Variants in SAMMSON observed in about 807,000 individuals in gnomAD.
SAMMSON encodes the protein survival associated mitochondrial melanoma specific oncogenic non-coding RNA.
intron 9 of SAMMSON, among the ~76,000 whole-genome samples, chr3:70,376,464 T>C (rs1703015042): frequency 6.6e-6 from 1 of 152,202 alleles, no homozygotes; most frequent in South Asian, 2.1e-4. Flanking sequence ...GTTTGTTTTA[T>C]AAGGAAAGAA....
chr3:70,228,643 T>C (rs2106742563), intron 4 of SAMMSON, among the ~76,000 whole-genome samples: 1 of 152,094 alleles, frequency 6.6e-6, no homozygotes, highest in African/African-American at 2.4e-5. Flanking sequence ...TTTTTTTTTT[T>C]TTTAGTGTGG....
At chr3:70,250,808 C>G (rs1364308144) in intron 6 of SAMMSON, among the ~76,000 whole-genome samples, 2 of 152,098 alleles carry the variant, frequency 1.3e-5, no homozygotes, top group Admixed American at 1.3e-4. Context: ...ATATGCATTT[C>G]TTCTTCAGCA....
intron 4 of SAMMSON, among the ~76,000 whole-genome samples, chr3:70,169,864 AT>A (rs1194036786): frequency 6.6e-6 from 1 of 151,776 alleles, no homozygotes; most frequent in Non-Finnish European, 1.5e-5. Flanking sequence ...TAGCTTATTG[AT>A]TTTGGCTGCT....
At chr3:70,016,025 C>G (rs1387026060) in intron 3 of SAMMSON, among the ~76,000 whole-genome samples, 1 of 152,184 alleles carries the variant, frequency 6.6e-6, no homozygotes, top group Non-Finnish European at 1.5e-5. Flanking sequence ...AATAAACATA[C>G]ATGTGCTTGT....
chr3:70,192,887 G>A (rs1292141036), intron 4 of SAMMSON, among the ~76,000 whole-genome samples: 1 of 152,192 alleles, frequency 6.6e-6, no homozygotes, highest in Non-Finnish European at 1.5e-5. Context: ...CTGACAGAAT[G>A]CTTCAGAAAA....
intron 7 of SAMMSON, among the ~76,000 whole-genome samples, chr3:70,305,407 G>A (rs953051940): frequency 6.6e-6 from 1 of 151,976 alleles, no homozygotes. Flanking sequence ...ATGCTATTTG[G>A]GAAGTTAACA....
At chr3:70,043,660 C>T (rs2067113866) in intron 3 of SAMMSON, among the ~76,000 whole-genome samples, 1 of 151,822 alleles carries the variant, frequency 6.6e-6, no homozygotes, top group African/African-American at 2.4e-5. Context: ...ATTTTAATTT[C>T]TGCTTTGTGT....
chr3:70,065,038 T>C (rs993328732), intron 3 of SAMMSON, among the ~76,000 whole-genome samples: 5 of 152,158 alleles, frequency 3.3e-5, no homozygotes, highest in Non-Finnish European at 5.9e-5. Flanking sequence ...GCTGTTTACA[T>C]TGGTTGGAAA....
chr3:70,146,335 C>T (rs533163544), intron 4 of SAMMSON, among the ~76,000 whole-genome samples: 1 of 151,916 alleles, frequency 6.6e-6, no homozygotes, highest in African/African-American at 2.4e-5. Context: ...CCAGAATACC[C>T]CAATATTAAA....
At chr3:70,098,675 A>G (rs1271047862) in intron 4 of SAMMSON, among the ~76,000 whole-genome samples, 3 of 151,970 alleles carry the variant, frequency 2.0e-5, no homozygotes, top group African/African-American at 4.8e-5. Context: ...CCTCTTTTTC[A>G]TTTCTAAAAT....
chr3:70,257,643 T>A (rs1345065812), intron 6 of SAMMSON, among the ~76,000 whole-genome samples: 1 of 152,168 alleles, frequency 6.6e-6, no homozygotes, highest in East Asian at 1.9e-4. Flanking sequence ...TATGAAACAT[T>A]GCTTAGAGAA....
intron 6 of SAMMSON, among the ~76,000 whole-genome samples, chr3:70,260,780 C>T (rs1701858974): frequency 6.6e-6 from 1 of 152,012 alleles, no homozygotes; most frequent in South Asian, 2.1e-4. Context: ...TTATTGCTAG[C>T]TCCAAGGTAC....
intron 4 of SAMMSON, among the ~76,000 whole-genome samples, chr3:70,112,250 A>G (rs1389400822): frequency 6.6e-6 from 1 of 152,174 alleles, no homozygotes; most frequent in African/African-American, 2.4e-5. Context: ...CTCATTAATA[A>G]TAACAGGTGT....
intron 4 of SAMMSON, among the ~76,000 whole-genome samples, chr3:70,108,241 C>G (rs2067374667): frequency 6.6e-6 from 1 of 151,900 alleles, no homozygotes; most frequent in Non-Finnish European, 1.5e-5. Flanking sequence ...AGCCACATGG[C>G]TCTAATAGCA....
intron 4 of SAMMSON, among the ~76,000 whole-genome samples, chr3:70,233,446 G>A (rs1227570821): frequency 6.6e-6 from 1 of 152,230 alleles, no homozygotes; most frequent in South Asian, 2.1e-4. Flanking sequence ...TGATGATAAA[G>A]CTTCCCTTTT....
chr3:70,406,401 C>G (rs1339612824), intron 2 of SAMMSON, among the ~76,000 whole-genome samples: 1 of 151,960 alleles, frequency 6.6e-6, no homozygotes, highest in Non-Finnish European at 1.5e-5. Context: ...GCTAACAGAC[C>G]TATACTTCAA....
chr3:70,432,942 T>C lies in SAMMSON; in HGVS notation n.234-29618T>C, dbSNP rs547437133. Among the ~76,000 whole-genome samples the C allele has an allele frequency of 1.6e-4, 25 of 152,204 alleles. 1 individual carries two copies. The South Asian group carries it at 5.0e-3, about 30-fold the overall frequency. ...TGTAGTTTTTTCAGATTGACTTTTT[T>C]CATTCAGCAATATGCATTTAAGATT... On this transcript the variant is annotated intron_variant and non_coding_transcript_variant, in intron 2 of 3. Transcript: ENST00000641053.
At chr3:70,356,800 T>C (rs930663654) in intron 8 of SAMMSON, among the ~76,000 whole-genome samples, 3 of 152,142 alleles carry the variant, frequency 2.0e-5, no homozygotes, top group Non-Finnish European at 2.9e-5. Context: ...TGCTGTGGGC[T>C]GGGAAACCAC....
At chr3:70,038,664 G>A (rs1190722131) in intron 3 of SAMMSON, among the ~76,000 whole-genome samples, 1 of 152,112 alleles carries the variant, frequency 6.6e-6, no homozygotes, top group Non-Finnish European at 1.5e-5. Context: ...TTCAGTAAAT[G>A]CTGTAAAATT....
Sources: allele counts gnomAD v4.1 joint callset (sites outside exome capture counted in the v4.1 genomes callset), GRCh38; gene constraint gnomAD v4.1.1; transcripts MANE v1.5; gene names NCBI Gene and HGNC (gene_info 2026-07-23, HGNC 2026-07-21).